UNC5B: variants seen among roughly 807,000 people sequenced by gnomAD.
UNC5B encodes unc-5 netrin receptor B.
In UNC5B, 56 loss-of-function variants were observed where a neutral mutation model predicts 103.7. That is an observed-to-expected ratio of 0.54 (90% CI 0.44 to 0.67). UNC5B has a LOEUF of 0.67. Among genes scored for constraint, UNC5B ranks in the 30% least tolerant of loss-of-function variants. UNC5B has a pLI of 0.00. For missense variants in UNC5B, 1,194 were observed against 1,284.5 expected, an observed-to-expected ratio of 0.93 and a Z score of 1.08; for synonymous variants, 577 against 542.0, an observed-to-expected ratio of 1.06 and a Z score of -0.90.
rs145277612 is a variant in UNC5B at position 71,280,008 on chromosome 10, C to T, written c.267C>T (p.Asn89=). 3,370 of 1,614,100 alleles carry T rather than the reference C, an allele frequency of 2.1e-3. 8 individuals are homozygous for T. The highest frequency in any genetic ancestry group is 2.6e-3 in the Non-Finnish European group (3,022 of 1,180,038). The change falls in exon 2 of 17, where the codon AAC becomes AAT. Residue 89 remains asparagine, a synonymous_variant. Coordinates refer to ENST00000335350, the MANE Select transcript of UNC5B (RefSeq NM_170744.5). ...FKCNGEWVSQ[N]DHVTQEGLDE... is the part of the protein sequence containing the mutation. Reference sequence around the variant, plus strand: ...GCAACGGCGAGTGGGTCAGCCAGAACGACCACGTCACACAGGAAGGCCTGG... The same window carrying T: ...GCAACGGCGAGTGGGTCAGCCAGAATGACCACGTCACACAGGAAGGCCTGG...
chr10:71,214,841 C>T (rs961839196), intron 1 of UNC5B, among the ~76,000 whole-genome samples: 3 of 152,278 alleles, frequency 2.0e-5, no homozygotes, highest in East Asian at 3.9e-4. Context: ...CAGAAGAAAC[C>T]CCAGGCCCAG....
intron 2 of UNC5B, among the ~76,000 whole-genome samples, chr10:71,282,900 A>C (rs922189460): frequency 6.6e-6 from 1 of 151,936 alleles, no homozygotes; most frequent in African/African-American, 2.4e-5. Flanking sequence ...GCAATTCACG[A>C]GGTCAGGAGA....
At position 71,293,711 on chromosome 10, in the gene UNC5B, C is replaced by G. The variant is rs774266894; in HGVS notation, c.1953C>G (p.Thr651=). 4 of 1,590,582 alleles carry G rather than the reference C, an allele frequency of 2.5e-6. No homozygotes were observed. The highest frequency in any genetic ancestry group is 1.8e-5 in the Admixed American group (1 of 56,028). Residue 651 remains threonine (T), a synonymous_variant, in exon 13 of 17, where the codon ACC becomes ACG. Coordinates refer to ENST00000335350, the MANE Select transcript of UNC5B (RefSeq NM_170744.5). The stretch of plus-strand genomic sequence containing the variant: ...GCTGTCCCCTACAGGAGGTGGTGAC[C>G]CTGGATGAGGAGACCCTGAACACAC... ...AHQGHWEEVV[T]LDEETLNTPC... is the part of the protein sequence containing the mutation.
At chr10:71,241,205 C>T (rs1416084997) in intron 1 of UNC5B, among the ~76,000 whole-genome samples, 1 of 152,180 alleles carries the variant, frequency 6.6e-6, no homozygotes, top group Non-Finnish European at 1.5e-5. Flanking sequence ...CCTCCCAGGG[C>T]TCCTGTCTTG....
At chr10:71,285,791 G>A (rs1409337842) in intron 4 of UNC5B, among the ~76,000 whole-genome samples, 2 of 152,148 alleles carry the variant, frequency 1.3e-5, no homozygotes, top group Admixed American at 6.5e-5. Flanking sequence ...GTGTGTGTGA[G>A]TGTGTTCTCC....
chr10:71,299,064 G>T, intron 16 of UNC5B, 48 bp from the exon 17 acceptor site: 1 of 1,607,394 alleles, frequency 6.2e-7, no homozygotes, highest in Non-Finnish European at 8.5e-7. Context: ...AGGCTCCGGG[G>T]AGGGGCTAAG....
At position 71,292,425 on chromosome 10, in the gene UNC5B, C is replaced by G. The variant is rs990195384; in HGVS notation, c.1685-42C>G. 3.9e-6 allele frequency: 6 copies of G among 1,527,908 alleles called. No homozygotes were observed. In the African/African-American group the frequency reaches 8.2e-5, roughly 21 times the overall value. The allele number at this position is 1,527,908 out of a possible 1,614,324, so 94.6% of individuals were successfully genotyped here. A position where few individuals can be genotyped will look rare whatever the true frequency, so the allele number is the denominator to read the frequency against. On this transcript the variant is annotated intron_variant, in intron 10 of 16. Transcript: ENST00000335350. ...GGCCAACTTCCCAAACACTTGTTCT[C>G]CTAAGCTCCTGGACTCCCTGCTGAC...
chr10:71,292,826 C>T (rs1845300791), intron 11 of UNC5B, among the ~76,000 whole-genome samples: 1 of 152,222 alleles, frequency 6.6e-6, no homozygotes, highest in Non-Finnish European at 1.5e-5. Context: ...AAGTAAACAT[C>T]TCACTGTGAA....
In UNC5B at chr10:71,262,296, A is replaced by T. The variant is rs576931337; in HGVS notation, c.80-17525A>T. 9.9e-5 allele frequency among the ~76,000 whole-genome samples: 15 copies of T among 151,528 alleles called. No individual in the cohort carries two copies. The South Asian group carries it at 2.9e-3, about 30-fold the overall frequency. On this transcript the variant is annotated intron_variant, in intron 1 of 16. Transcript: ENST00000335350. ...GGAAGGAGGACTCTAATTATAGCAT[A>T]CTGGGTCCGGGCTGGAGTGGGTTGG... is the stretch of plus-strand genomic sequence containing the variant.
At chr10:71,276,833 C>T (rs919558139) in intron 1 of UNC5B, among the ~76,000 whole-genome samples, 1 of 152,214 alleles carries the variant, frequency 6.6e-6, no homozygotes, top group Non-Finnish European at 1.5e-5. Flanking sequence ...GTGGGCCTCT[C>T]ATTCTTCCTT....
intron 1 of UNC5B, among the ~76,000 whole-genome samples, chr10:71,235,662 C>T (rs528239041): frequency 5.3e-5 from 8 of 152,228 alleles, no homozygotes; most frequent in South Asian, 4.1e-4. Context: ...AGGGGGTTCC[C>T]GGAGCCCAGC....
rs767586535 is a variant in UNC5B at position 71,291,798 on chromosome 10, G to C, written c.1661G>C (p.Gly554Ala). Residue 554 changes from glycine to alanine, a missense_variant, in exon 10 of 17, where the codon GGG becomes GCG. Transcript: ENST00000335350. ...SVSGTFGCLGGRLSIPGTGVS... is the reference protein window; with the variant it reads ...SVSGTFGCLGARLSIPGTGVS... ...AGCGGCACCTTTGGCTGCCTGGGTG[G>C]GAGGCTCAGCATCCCCGGCACAGGT... 1 of 1,602,272 alleles carries C rather than the reference G, an allele frequency of 6.2e-7. No homozygotes were observed. Among genetic ancestry groups the C allele is most frequent in the South Asian group, 1.1e-5 (1 of 90,658 alleles).
At chr10:71,233,089 C>T (rs1355994899) in intron 1 of UNC5B, among the ~76,000 whole-genome samples, 1 of 152,202 alleles carries the variant, frequency 6.6e-6, no homozygotes. Context: ...ATTCTGATGG[C>T]CTAAATGCCA....
intron 7 of UNC5B, 99 bp from the exon 8 acceptor site, chr10:71,288,859 C>G (rs983770766): frequency 6.4e-7 from 1 of 1,565,818 alleles, no homozygotes; most frequent in Non-Finnish European, 8.7e-7. Flanking sequence ...TCTGTCCCCC[C>G]ACCACATCCA....
chr10:71,286,811 C>T lies in UNC5B; in HGVS notation c.675C>T (p.Cys225=), dbSNP rs369869150. The change falls in exon 5 of 17, where the codon TGC becomes TGT. Residue 225 remains cysteine, a synonymous_variant. Coordinates refer to ENST00000335350, the MANE Select transcript of UNC5B (RefSeq NM_170744.5). ...TGTCGGACACTGCCAACTATACCTG[C>T]GTGGCCAAGAACATCGTGGCCAAAC... ...ARLSDTANYT[C]VAKNIVAKRR... The T allele has an allele frequency of 1.2e-4, 200 of 1,614,096 alleles. No individual in the cohort carries two copies. The highest frequency in any genetic ancestry group is 3.2e-4 in the Admixed American group (19 of 60,008).
rs767710982 is a variant in UNC5B at position 71,291,739 on chromosome 10, C to T, written c.1602C>T (p.Leu534=). The T allele has an allele frequency of 6.2e-7, 1 of 1,611,464 alleles. No homozygotes were observed. Among genetic ancestry groups the T allele is most frequent in the Non-Finnish European group, 8.5e-7 (1 of 1,179,934 alleles). The change falls in exon 10 of 17, where the codon CTC becomes CTT. Residue 534 remains leucine, a synonymous_variant. Transcript: ENST00000335350. ...LRSASLGSQQ[L]LGLPRDPGSS... ...GCGCCAGCCTCGGTTCCCAGCAGCT[C>T]TTGGGCCTGCCCCGAGACCCAGGGA...
intron 1 of UNC5B, among the ~76,000 whole-genome samples, chr10:71,229,272 C>G (rs942747510): frequency 1.3e-5 from 2 of 152,156 alleles, no homozygotes; most frequent in Non-Finnish European, 2.9e-5. Flanking sequence ...GCAACAAGCC[C>G]CAGGGGCAGA....
chr10:71,240,583 C>T (rs1026154726), intron 1 of UNC5B, among the ~76,000 whole-genome samples: 7 of 152,216 alleles, frequency 4.6e-5, no homozygotes, highest in African/African-American at 1.2e-4. Context: ...GGGGCCCTCA[C>T]GATCGCTTCC....
At chr10:71,239,481 G>A (rs1161287862) in intron 1 of UNC5B, among the ~76,000 whole-genome samples, 1 of 152,122 alleles carries the variant, frequency 6.6e-6, no homozygotes, top group African/African-American at 2.4e-5. Context: ...GCATGTCACT[G>A]GCTGATCACT....
Sources: allele counts gnomAD v4.1 joint callset (sites outside exome capture counted in the v4.1 genomes callset), GRCh38; gene constraint gnomAD v4.1.1; transcripts MANE v1.5; gene names NCBI Gene and HGNC (gene_info 2026-07-23, HGNC 2026-07-21).